The following DOCK10 variants were observed in gnomAD, a reference collection of about 807,000 sequenced individuals.
The protein encoded by DOCK10 is dedicator of cytokinesis 10.
In DOCK10, 145 loss-of-function variants were observed where a neutral mutation model predicts 280.1. The observed-to-expected ratio is 0.52, with a 90% CI of 0.45 to 0.59. DOCK10 has a LOEUF of 0.59. Ranked by LOEUF, DOCK10 falls within the 20% of genes least tolerant of loss-of-function variation. The pLI is 0.00. For missense variants in DOCK10, 2,368 were observed against 2,651.7 expected (o/e 0.89, Z 2.35); for synonymous variants, 915 against 942.2 (o/e 0.97, Z 0.53).
chr2:224,796,499 G>T (rs897949830), intron 43 of DOCK10, 73 bp from the exon 44 acceptor site: 6 of 911,226 alleles, frequency 6.6e-6, no homozygotes, highest in Non-Finnish European at 1.0e-5. Context: ...CACTGGGCTG[G>T]GTAAATGTAT....
chr2:224,919,833 A>G (rs536498187), intron 2 of DOCK10, among the ~76,000 whole-genome samples: 7 of 152,220 alleles, frequency 4.6e-5, no homozygotes, highest in Admixed American at 1.3e-4. Context: ...GGATCTAGAG[A>G]CATCAATGAT....
At chr2:224,856,208 G>C (rs192008273) in intron 15 of DOCK10, among the ~76,000 whole-genome samples, 1 of 152,164 alleles carries the variant, frequency 6.6e-6, no homozygotes, top group Non-Finnish European at 1.5e-5. Flanking sequence ...TAATGTCAGC[G>C]TTGCATTGTG....
chr2:224,835,692 A>G (rs1012423750), intron 25 of DOCK10, among the ~76,000 whole-genome samples: 3 of 152,210 alleles, frequency 2.0e-5, no homozygotes, highest in Non-Finnish European at 4.4e-5. Flanking sequence ...TCTAGAATTG[A>G]CTAGAATCTA....
chr2:224,941,115 A>G (rs574216397), intron 1 of DOCK10, among the ~76,000 whole-genome samples: 4 of 152,306 alleles, frequency 2.6e-5, no homozygotes, highest in Admixed American at 2.0e-4. Context: ...ACTATCATAC[A>G]TAATGGCAAA....
In DOCK10 at chr2:224,856,949, G is replaced by C. The variant is rs778060237; in HGVS notation, c.1719C>G (p.Asp573Glu). ...ACAATGGTGAAAATCTTGAGTCTCTGTCCACATTTCCCTGGTTGTCCTTAA... is the reference window on the plus strand; with the variant it reads ...ACAATGGTGAAAATCTTGAGTCTCTCTCCACATTTCCCTGGTTGTCCTTAA... ...SVFKDNQGNV[D>E]RDSRFSPLFR... The change falls in exon 15 of 56, where the codon GAC (aspartate) becomes GAG (glutamate). Residue 573 changes from aspartate to glutamate, a missense_variant. Transcript: ENST00000258390. The C allele has an allele frequency of 1.9e-6, 3 of 1,611,864 alleles. No homozygotes were observed.
intron 16 of DOCK10, among the ~76,000 whole-genome samples, chr2:224,853,427 C>T (rs908681451): frequency 1.3e-5 from 2 of 152,152 alleles, no homozygotes; most frequent in Non-Finnish European, 2.9e-5. Context: ...AACCTCTGAA[C>T]ATAGTAGCCA....
chr2:224,987,139 G>A (rs1156536755), intron 1 of DOCK10, among the ~76,000 whole-genome samples: 1 of 152,094 alleles, frequency 6.6e-6, no homozygotes, highest in Non-Finnish European at 1.5e-5. Context: ...AAATCCAAGT[G>A]AAATGACAAC....
intron 1 of DOCK10, among the ~76,000 whole-genome samples, chr2:225,038,186 G>T (rs763856336): frequency 3.3e-5 from 5 of 151,948 alleles, no homozygotes; most frequent in African/African-American, 1.2e-4. Flanking sequence ...TCTGGATAGC[G>T]ACAGCAAAAC....
chr2:224,864,618 T>C lies in DOCK10; in HGVS notation c.1537A>G (p.Lys513Glu). Residue 513 changes from lysine to glutamate, a missense_variant, in exon 13 of 56, where the codon AAA becomes GAA. Transcript: ENST00000258390. Reference protein sequence around the residue: ...SEIVLVAKIEKVLMGNIASGA... With the variant: ...SEIVLVAKIEEVLMGNIASGA... ...CTTGCAATGTTTCCCATCAAGACTT[T>C]TTCGATTTTGGCCACCAAAACAATT... 2.5e-6 allele frequency: 4 copies of C among 1,613,572 alleles called. No individual in the cohort carries two copies. The highest frequency in any genetic ancestry group is 3.4e-6 in the Non-Finnish European group (4 of 1,179,800).
intron 51 of DOCK10, among the ~76,000 whole-genome samples, chr2:224,775,854 T>G (rs1456687298): frequency 6.6e-6 from 1 of 152,246 alleles, no homozygotes; most frequent in Non-Finnish European, 1.5e-5. Flanking sequence ...ATTTTACCCA[T>G]GTATCTAGAC....
chr2:224,814,593 C>T (rs1306090868), intron 30 of DOCK10, among the ~76,000 whole-genome samples: 1 of 152,172 alleles, frequency 6.6e-6, no homozygotes, highest in Non-Finnish European at 1.5e-5. Context: ...ACAATCTTGG[C>T]TGACTGCAAC....
At chr2:224,789,263 A>G in intron 47 of DOCK10, 93 bp from the exon 48 acceptor site, 2 of 730,224 alleles carry the variant, frequency 2.7e-6, no homozygotes, top group East Asian at 2.7e-5. Flanking sequence ...ACCAAGTGGT[A>G]GTATTACAAA....
At chr2:224,823,056 C>T (rs1252390864) in intron 28 of DOCK10, among the ~76,000 whole-genome samples, 4 of 145,878 alleles carry the variant, frequency 2.7e-5, no homozygotes, top group Admixed American at 6.9e-5. Flanking sequence ...GGTGTGATCT[C>T]GGCTCACTGC....
At chr2:224,971,412 C>T (rs755809059) in intron 1 of DOCK10, among the ~76,000 whole-genome samples, 17 of 151,848 alleles carry the variant, frequency 1.1e-4, no homozygotes, top group African/African-American at 2.9e-4. Context: ...GGAATGGGCG[C>T]GGTTGCACTG....
chr2:225,004,057 G>GT (rs1377363739), intron 1 of DOCK10, among the ~76,000 whole-genome samples: 3 of 152,192 alleles, frequency 2.0e-5, no homozygotes, highest in Non-Finnish European at 4.4e-5. Context: ...TGTCTGTGAT[G>GT]TAAGTATCAT....
chr2:224,982,303 T>G, intron 1 of DOCK10: 1 of 1,232,040 alleles, frequency 8.1e-7, no homozygotes, highest in Non-Finnish European at 1.0e-6. Flanking sequence ...TACAAATGTG[T>G]GGACAGCTCC....
At chr2:224,772,570 G>A (rs1559363894) in intron 53 of DOCK10, among the ~76,000 whole-genome samples, 1 of 152,098 alleles carries the variant, frequency 6.6e-6, no homozygotes, top group East Asian at 1.9e-4. Flanking sequence ...TCCTCTCCTT[G>A]CATCTTCAGG....
chr2:224,879,012 C>T (rs1574982884), intron 7 of DOCK10, among the ~76,000 whole-genome samples: 1 of 152,264 alleles, frequency 6.6e-6, no homozygotes, highest in East Asian at 1.9e-4. Flanking sequence ...AATGTGAAAT[C>T]AGAAAACAAA....
chr2:225,025,271 G>A (rs1325971165), intron 1 of DOCK10, among the ~76,000 whole-genome samples: 2 of 152,162 alleles, frequency 1.3e-5, no homozygotes, highest in East Asian at 3.9e-4. Context: ...CTTAAAGGAA[G>A]ATGTTGCATA....
Sources: gnomAD v4.1 joint callset for allele counts (sites outside exome capture counted in the v4.1 genomes callset) on GRCh38, gnomAD v4.1.1 for gene constraint, MANE v1.5 for transcripts, NCBI Gene and HGNC (gene_info 2026-07-23, HGNC 2026-07-21) for gene names.